The following MEIS2 variants were observed in gnomAD, a reference collection of about 807,000 sequenced individuals.
The protein encoded by MEIS2 is homeobox protein Meis2.
MEIS2 carries 9 observed loss-of-function variants against 58.6 expected under a neutral mutation model. That is an observed-to-expected ratio of 0.15 (90% CI 0.09 to 0.27). MEIS2 has a LOEUF of 0.27. Ranked by LOEUF, MEIS2 falls within the 10% of genes least tolerant of loss-of-function variation. The probability of loss-of-function intolerance (pLI) is 1.00; values close to 1 mark genes in which losing one functional copy is unlikely to be tolerated. For missense variants in MEIS2, 427 were observed against 635.0 expected (o/e 0.67, Z 3.52); for synonymous variants, 221 against 228.4 (o/e 0.97, Z 0.29).
chr15:37,082,265 G>A (rs952037177), intron 7 of MEIS2, among the ~76,000 whole-genome samples: 1 of 152,172 alleles, frequency 6.6e-6, no homozygotes, highest in Non-Finnish European at 1.5e-5. Context: ...AGGTCAAAGT[G>A]AGCCTCACAC....
At chr15:36,996,046 C>CGT (rs2060509776) in intron 8 of MEIS2, among the ~76,000 whole-genome samples, 1 of 100,656 alleles carries the variant, frequency 9.9e-6, no homozygotes, top group Admixed American at 1.4e-4. Flanking sequence ...CACACACACA[C>CGT]ATATATATAT....
At chr15:37,090,966 C>G (rs1017500598) in intron 6 of MEIS2, among the ~76,000 whole-genome samples, 1 of 152,154 alleles carries the variant, frequency 6.6e-6, no homozygotes, top group African/African-American at 2.4e-5. Flanking sequence ...TGAAGTGGCT[C>G]ATCATCACCC....
intron 9 of MEIS2, among the ~76,000 whole-genome samples, chr15:36,948,858 A>G (rs1165782479): frequency 6.6e-6 from 1 of 151,942 alleles, no homozygotes; most frequent in East Asian, 1.9e-4. Flanking sequence ...TACTGCCTTT[A>G]TTCCAAGTTT....
intron 7 of MEIS2, 136 bp downstream of exon 7, chr15:37,083,635 C>A (rs1892522657): frequency 3.4e-6 from 2 of 581,210 alleles, no homozygotes; most frequent in African/African-American, 1.9e-5. Flanking sequence ...AATACTGTCT[C>A]TTTAAATAGC....
intron 8 of MEIS2, among the ~76,000 whole-genome samples, chr15:37,009,970 G>T (rs2061074881): frequency 6.6e-6 from 1 of 152,140 alleles, no homozygotes; most frequent in Non-Finnish European, 1.5e-5. Flanking sequence ...TAAGAACATT[G>T]AATTAATGTC....
intron 7 of MEIS2, among the ~76,000 whole-genome samples, chr15:37,052,806 T>A (rs1189780340): frequency 2.0e-5 from 3 of 152,236 alleles, no homozygotes; most frequent in Non-Finnish European, 4.4e-5. Context: ...TTCTTCCTTA[T>A]TCTTCCGAAA....
chr15:36,930,516 T>C (rs758676903), intron 9 of MEIS2, among the ~76,000 whole-genome samples: 1 of 152,186 alleles, frequency 6.6e-6, no homozygotes, highest in Non-Finnish European at 1.5e-5. Context: ...ATGAGCGATA[T>C]GCATTATCGC....
intron 8 of MEIS2, among the ~76,000 whole-genome samples, chr15:36,991,786 T>TC (rs1439433482): frequency 1.5e-3 from 175 of 116,438 alleles, no homozygotes; most frequent in African/African-American, 5.6e-3. Flanking sequence ...TTTTTTTCTT[T>TC]TTTTTTTTTT....
intron 9 of MEIS2, among the ~76,000 whole-genome samples, chr15:36,928,136 C>T (rs144599576): frequency 6.6e-6 from 1 of 152,130 alleles, no homozygotes; most frequent in African/African-American, 2.4e-5. Context: ...TTATGAAAAA[C>T]AAAAACGTTG....
intron 6 of MEIS2, among the ~76,000 whole-genome samples, chr15:37,088,709 G>A (rs952731944): frequency 6.6e-6 from 1 of 152,126 alleles, no homozygotes; most frequent in African/African-American, 2.4e-5. Flanking sequence ...GGATTAATAT[G>A]TAAGCAACTC....
intron 8 of MEIS2, among the ~76,000 whole-genome samples, chr15:36,995,706 T>TAAAAAAAAAAAA: frequency 2.4e-4 from 1 of 4,124 alleles, no homozygotes; most frequent in Non-Finnish European, 3.8e-4. Flanking sequence ...TTACAGCTAC[T>TAAAAAAAAAAAA]AAAAAAAAAA....
At chr15:37,093,512 G>T in intron 6 of MEIS2, 69 bp downstream of exon 6, 1 of 1,564,138 alleles carries the variant, frequency 6.4e-7, no homozygotes, top group Non-Finnish European at 8.7e-7. Flanking sequence ...GGAGCTAGAT[G>T]TTAAAACAAG....
intron 8 of MEIS2, among the ~76,000 whole-genome samples, chr15:36,995,430 T>A (rs1191746696): frequency 6.6e-6 from 1 of 151,986 alleles, no homozygotes; most frequent in African/African-American, 2.4e-5. Flanking sequence ...TGATTGAACA[T>A]CTCTTGTTTT....
chr15:36,907,854 T>C (rs1043616551), intron 9 of MEIS2, among the ~76,000 whole-genome samples: 11 of 152,040 alleles, frequency 7.2e-5, no homozygotes, highest in Admixed American at 4.6e-4. Context: ...TAAATATGCA[T>C]ACGTATATTC....
At chr15:36,996,032 TACACAC>T (rs1205549790) in intron 8 of MEIS2, among the ~76,000 whole-genome samples, 3 of 116,056 alleles carry the variant, frequency 2.6e-5, no homozygotes, top group East Asian at 3.7e-4. Context: ...TGTATATATA[TACACAC>T]ACACACACAT....
chr15:36,972,495 G>A (rs561068992), intron 8 of MEIS2, among the ~76,000 whole-genome samples: 24 of 152,256 alleles, frequency 1.6e-4, no homozygotes, highest in African/African-American at 5.5e-4. Context: ...GACCTCAAGT[G>A]ATCCGCCCAC....
At chr15:37,000,561 C>T (rs73391602) in intron 8 of MEIS2, among the ~76,000 whole-genome samples, 2,365 of 152,158 alleles carry the variant, frequency 0.016, 54 homozygotes, top group African/African-American at 0.052. Context: ...ATGAGCTTCC[C>T]CTTTTTTTCT....
chr15:36,913,278 A>G (rs2057128640), intron 9 of MEIS2, among the ~76,000 whole-genome samples: 1 of 152,208 alleles, frequency 6.6e-6, no homozygotes, highest in African/African-American at 2.4e-5. Context: ...GTTGCAGATT[A>G]TATTTTTATA....
chr15:37,031,164 C>T (rs186337828), intron 8 of MEIS2, among the ~76,000 whole-genome samples: 32 of 152,204 alleles, frequency 2.1e-4, no homozygotes, highest in African/African-American at 7.0e-4. Flanking sequence ...ATAACCTTAC[C>T]AGGTGGAACT....
Sources: gnomAD v4.1 joint callset for allele counts (sites outside exome capture counted in the v4.1 genomes callset) on GRCh38, gnomAD v4.1.1 for gene constraint, MANE v1.5 for transcripts, NCBI Gene and HGNC (gene_info 2026-07-23, HGNC 2026-07-21) for gene names.